KDR: variants seen among roughly 807,000 people sequenced by gnomAD.
KDR encodes vascular endothelial growth factor receptor 2.
KDR carries 43 observed loss-of-function variants against 160.9 expected under a neutral mutation model. The ratio of observed to expected loss-of-function variants is 0.27; its 90% CI spans 0.21 to 0.34. The LOEUF is 0.34. Among genes scored for constraint, KDR ranks in the 10% least tolerant of loss-of-function variants. KDR has a pLI of 1.00. For synonymous variants in KDR, 617 were observed against 600.1 expected (o/e 1.03, Z -0.41); for missense variants, 1,469 against 1,666.4 (o/e 0.88, Z 2.06).
At position 55,079,725 on chromosome 4, in the gene KDR, G is replaced by T. The variant is rs1411092263; in HGVS notation, c.*216C>A. 1.6e-6 allele frequency: 1 copy of T among 607,208 alleles called. No homozygotes were observed. The highest frequency in any genetic ancestry group is 2.9e-6 in the Non-Finnish European group (1 of 341,058). The allele number at this position is 607,208 out of a possible 1,614,324, so 37.6% of individuals were successfully genotyped here. Reference sequence around the variant, plus strand: ...TTAAATGAATGAAAAAGAGGATCAGGTCAACACTGGGAGAAGACACAGACA... The same window carrying T: ...TTAAATGAATGAAAAAGAGGATCAGTTCAACACTGGGAGAAGACACAGACA... On this transcript the variant is annotated 3_prime_UTR_variant, in exon 30 of 30. Coordinates refer to ENST00000263923, the MANE Select transcript of KDR (RefSeq NM_002253.4).
At chr4:55,115,551 T>C (rs1483629030) in intron 3 of KDR, 140 bp from the exon 4 acceptor site, 1 of 632,630 alleles carries the variant, frequency 1.6e-6, no homozygotes, top group African/African-American at 1.8e-5. Flanking sequence ...CCACAGATTA[T>C]TCTGCTGATA....
chr4:55,124,495 A>G lies in KDR; in HGVS notation c.67+732T>C, dbSNP rs1300960741. Reference sequence around the variant, plus strand: ...GTTTTCGGAGCTTGAACTTCTGACTATGCGCTTACACCAAGGACCACAGCG... The same window carrying G: ...GTTTTCGGAGCTTGAACTTCTGACTGTGCGCTTACACCAAGGACCACAGCG... On this transcript the variant is annotated intron_variant, in intron 1 of 29. Coordinates refer to ENST00000263923, the MANE Select transcript of KDR (RefSeq NM_002253.4). 7.9e-5 allele frequency among the ~76,000 whole-genome samples: 12 copies of G among 152,156 alleles called. 1 individual carries two copies. Among genetic ancestry groups the G allele is most frequent in the Admixed American group, 7.9e-4 (12 of 15,272 alleles).
chr4:55,110,312 A>G (rs2110027098), intron 9 of KDR, 91 bp downstream of exon 9: 1 of 1,320,184 alleles, frequency 7.6e-7, no homozygotes, highest in Non-Finnish European at 1.1e-6. Context: ...TGAGTGAAGC[A>G]GCAGGAGGCA....
chr4:55,098,233 C>G lies in KDR; in HGVS notation c.2413G>C (p.Val805Leu), dbSNP rs149212892. The G allele has an allele frequency of 6.2e-7, 1 of 1,613,836 alleles. No homozygotes were observed. Among genetic ancestry groups the G allele is most frequent in the Non-Finnish European group, 8.5e-7 (1 of 1,179,822 alleles). Residue 805 changes from valine to leucine, a missense_variant, in exon 17 of 30, where the codon GTC becomes CTC. Physicochemically the swap from Val to Leu is conservative, Grantham distance 32. Around this residue, in one of 7 missense-constraint regions of KDR, gnomAD observed 118 missense variants for 110.8 expected, o/e 1.06. Coordinates refer to ENST00000263923, the MANE Select transcript of KDR (RefSeq NM_002253.4). ...GELKTGYLSI[V>L]MDPDELPLDE... ...AATGGGAGTTCATCTGGATCCATGA[C>G]GATGGACAAGTAGCCTGTCTTCAGT...
At chr4:55,098,071 CATT>C in intron 17 of KDR, 63 bp downstream of exon 17, 1 of 1,575,950 alleles carries the variant, frequency 6.3e-7, no homozygotes, top group South Asian at 1.1e-5. Flanking sequence ...CATTTGTCAT[CATT>C]CTAATGGAGG....
chr4:55,112,517 A>C (rs1278601206), intron 7 of KDR, among the ~76,000 whole-genome samples: 3 of 140,966 alleles, frequency 2.1e-5, no homozygotes, highest in Admixed American at 7.7e-5. Flanking sequence ...CAAAAGTTAT[A>C]CCTTGATTTT....
At chr4:55,088,032 G>C (rs1370344395) in intron 26 of KDR, among the ~76,000 whole-genome samples, 1 of 152,202 alleles carries the variant, frequency 6.6e-6, no homozygotes, top group East Asian at 1.9e-4. Flanking sequence ...TGTGGTCAGA[G>C]AGGTAACAAC....
intron 17 of KDR, 73 bp from the exon 18 acceptor site, chr4:55,097,839 T>C (rs1720201528): frequency 9.5e-7 from 1 of 1,050,980 alleles, no homozygotes; most frequent in Non-Finnish European, 1.5e-6. Flanking sequence ...CGCAGAGACA[T>C]CAACTAGATA....
At chr4:55,122,778 ACT>A (rs1720926041) in intron 1 of KDR, 1 of 152,020 alleles carries the variant, frequency 6.6e-6, no homozygotes, top group Non-Finnish European at 1.5e-5. Flanking sequence ...AAGACTTTAG[ACT>A]CTGTCAGAAT....
chr4:55,120,358 T>C (rs1001280319), intron 2 of KDR, among the ~76,000 whole-genome samples: 4 of 152,196 alleles, frequency 2.6e-5, no homozygotes, highest in African/African-American at 9.7e-5. Context: ...CTTTCGTGTG[T>C]GATCACTATG....
intron 7 of KDR, among the ~76,000 whole-genome samples, chr4:55,112,809 C>T (rs962005849): frequency 2.6e-5 from 4 of 152,076 alleles, no homozygotes; most frequent in Non-Finnish European, 4.4e-5. Flanking sequence ...GGATTACAGG[C>T]GTGAGCCACC....
chr4:55,095,699 T>C (rs1296709621), intron 19 of KDR, 34 bp from the exon 20 acceptor site: 1 of 1,473,974 alleles, frequency 6.8e-7, no homozygotes, highest in Admixed American at 1.7e-5. Context: ...GAAAATGGGT[T>C]TTCACTCATA....
chr4:55,122,231 T>C (rs571969662), intron 1 of KDR, among the ~76,000 whole-genome samples: 4 of 152,130 alleles, frequency 2.6e-5, no homozygotes, highest in Non-Finnish European at 4.4e-5. Context: ...ATAACTGAAT[T>C]CTCTGTCAAC....
At position 55,113,456 on chromosome 4, in the gene KDR, C is replaced by T. The variant is rs764358120; in HGVS notation, c.824G>A (p.Arg275Gln). ...ACTCCCAGACTGGGTTTTTAGGTCT[C>T]GGTTTACAAGTTTCTTATGCTGATG... ...SKHQHKKLVN[R>Q]DLKTQSGSEM... The change falls in exon 7 of 30, where the codon CGA becomes CAA. Residue 275 changes from arginine to glutamine, a missense_variant. By Grantham distance (43) the Arg-to-Gln change is conservative. Transcript: ENST00000263923. 7.4e-6 allele frequency: 12 copies of T among 1,613,786 alleles called. No individual in the cohort carries two copies. Among genetic ancestry groups the T allele is most frequent in the Non-Finnish European group, 1.0e-5 (12 of 1,179,926 alleles).
Position 55,089,854 on chromosome 4 carries a change from GA to G in KDR, c.3193-53del, listed in dbSNP as rs1196149266. On this transcript the variant is annotated intron_variant, in intron 23 of 29. Coordinates refer to ENST00000263923, the MANE Select transcript of KDR (RefSeq NM_002253.4). Reference sequence around the variant, plus strand: ...GAACCCAAATTAGCAAATATCTGAAGAAAAAAACTTCCTCTGTTCCTGAACA... The same window carrying G: ...GAACCCAAATTAGCAAATATCTGAAGAAAAAACTTCCTCTGTTCCTGAACA... 3.7e-6 allele frequency: 6 copies of G among 1,606,020 alleles called. No homozygotes were observed. In the East Asian group the frequency reaches 1.1e-4, roughly 30 times the overall value.
chr4:55,109,978 C>T (rs899500390), intron 9 of KDR, among the ~76,000 whole-genome samples: 1 of 152,210 alleles, frequency 6.6e-6, no homozygotes, highest in Non-Finnish European at 1.5e-5. Flanking sequence ...CGTGCCTGCA[C>T]ATCTCTGATA....
chr4:55,080,421 T>C (rs1305929761), intron 29 of KDR, among the ~76,000 whole-genome samples: 1 of 152,188 alleles, frequency 6.6e-6, no homozygotes, highest in East Asian at 1.9e-4. Flanking sequence ...TGAAAGGCAG[T>C]TCTCTCGAGT....
Position 55,125,522 on chromosome 4 carries a change from A to C in KDR, c.-229T>G. ...CCAGACGGACTTTCTGCGGCGCGCAAGTGATGCCCGGCGCAGGCAGAGGAA... is the reference window on the plus strand; with the variant it reads ...CCAGACGGACTTTCTGCGGCGCGCACGTGATGCCCGGCGCAGGCAGAGGAA... On this transcript the variant is annotated 5_prime_UTR_variant, in exon 1 of 30. Transcript: ENST00000263923. 1.6e-6 allele frequency: 1 copy of C among 606,316 alleles called. No individual in the cohort carries two copies. Among genetic ancestry groups the C allele is most frequent in the Non-Finnish European group, 2.9e-6 (1 of 341,546 alleles). The allele number at this position is 606,316 out of a possible 1,614,324, so 37.6% of individuals were successfully genotyped here.
At chr4:55,097,268 C>T (rs1262743969) in intron 18 of KDR, among the ~76,000 whole-genome samples, 28 of 152,228 alleles carry the variant, frequency 1.8e-4, no homozygotes, top group South Asian at 8.3e-4. Flanking sequence ...GGAGAACATG[C>T]TATTTTTGTA....
Sources: allele counts gnomAD v4.1 joint callset (sites outside exome capture counted in the v4.1 genomes callset), GRCh38; gene constraint gnomAD v4.1.1; regional missense constraint gnomAD v4.1.1; transcripts MANE v1.5; gene names NCBI Gene and HGNC (gene_info 2026-07-23, HGNC 2026-07-21).